The following EYA3 variants were observed in gnomAD, a reference collection of about 807,000 sequenced individuals.
EYA3 encodes EYA transcriptional coactivator and phosphatase 3.
A neutral mutation model predicts 80.0 loss-of-function variants in EYA3; 39 were observed. The ratio of observed to expected loss-of-function variants is 0.49; its 90% CI spans 0.38 to 0.64. EYA3 has a LOEUF of 0.64. Ranked by LOEUF, EYA3 falls within the 30% of genes least tolerant of loss-of-function variation. The pLI is 0.00. For synonymous variants in EYA3, 206 were observed against 232.8 expected, an observed-to-expected ratio of 0.88 and a Z score of 1.05; for missense variants, 523 against 676.1, an observed-to-expected ratio of 0.77 and a Z score of 2.51.
At chr1:28,088,158 G>T (rs1215670849) in intron 1 of EYA3, among the ~76,000 whole-genome samples, 1 of 152,148 alleles carries the variant, frequency 6.6e-6, no homozygotes, top group East Asian at 1.9e-4. Flanking sequence ...GTGAAAGAAC[G>T]CTGAGATCCC....
In EYA3 at chr1:28,042,912, T is replaced by C. The variant is rs188740354; in HGVS notation, c.78-262A>G. Among the ~76,000 whole-genome samples the C allele has an allele frequency of 1.1e-3, 173 of 152,242 alleles. 1 individual carries two copies. Among genetic ancestry groups the C allele is most frequent in the African/African-American group, 3.9e-3 (162 of 41,570 alleles). ...CAGGCTCGAGTGCAGTGGCACGATCTCGGCTCACTGCAACCTCCGCCTCCT... is the reference window on the plus strand; with the variant it reads ...CAGGCTCGAGTGCAGTGGCACGATCCCGGCTCACTGCAACCTCCGCCTCCT... On this transcript the variant is annotated intron_variant, in intron 3 of 17. Coordinates refer to ENST00000373871, the MANE Select transcript of EYA3 (RefSeq NM_001990.4).
chr1:28,059,127 T>C (rs540282398), intron 1 of EYA3, among the ~76,000 whole-genome samples: 5 of 152,310 alleles, frequency 3.3e-5, no homozygotes, highest in South Asian at 4.1e-4. Flanking sequence ...ATACCACCAC[T>C]CTACTTCTAT....
At chr1:27,988,452 G>A in intron 16 of EYA3, 83 bp downstream of exon 16, 3 of 1,481,480 alleles carry the variant, frequency 2.0e-6, no homozygotes, top group East Asian at 2.3e-5. Flanking sequence ...TGTCTAACAA[G>A]AGGGGCTAGA....
chr1:28,053,050 A>C (rs973467074), intron 2 of EYA3, among the ~76,000 whole-genome samples: 6 of 144,596 alleles, frequency 4.1e-5, no homozygotes, highest in Non-Finnish European at 7.5e-5. Flanking sequence ...GGTACTCAGG[A>C]GGGTGAGATG....
At chr1:28,065,533 T>C (rs902256311) in intron 1 of EYA3, among the ~76,000 whole-genome samples, 1 of 151,096 alleles carries the variant, frequency 6.6e-6, no homozygotes, top group Non-Finnish European at 1.5e-5. Flanking sequence ...AGTGCTGGGA[T>C]TACAGGTGTG....
At chr1:28,052,704 G>A (rs1157189680) in intron 2 of EYA3, among the ~76,000 whole-genome samples, 3 of 152,172 alleles carry the variant, frequency 2.0e-5, no homozygotes, top group Non-Finnish European at 4.4e-5. Context: ...AACACTTTGG[G>A]AGGCTGAGGC....
At chr1:28,018,181 G>A (rs1384623816) in intron 7 of EYA3, among the ~76,000 whole-genome samples, 1 of 151,128 alleles carries the variant, frequency 6.6e-6, no homozygotes, top group African/African-American at 2.4e-5. Context: ...GGGTGACAGA[G>A]CAAGACTCTG....
At chr1:28,087,243 TC>T (rs1645689090) in intron 1 of EYA3, among the ~76,000 whole-genome samples, 1 of 152,256 alleles carries the variant, frequency 6.6e-6, no homozygotes, top group South Asian at 2.1e-4. Context: ...TGCAATTCCT[TC>T]ATGTTATAAA....
At chr1:28,042,530 T>G (rs775447924) in intron 4 of EYA3, 41 bp downstream of exon 4, 1 of 1,541,888 alleles carries the variant, frequency 6.5e-7, no homozygotes, top group Non-Finnish European at 9.0e-7. Flanking sequence ...TTACTAGTTA[T>G]AGGAATATCT....
At chr1:27,980,033 T>C (rs542663879) in intron 16 of EYA3, among the ~76,000 whole-genome samples, 2 of 152,308 alleles carry the variant, frequency 1.3e-5, no homozygotes, top group South Asian at 4.1e-4. Context: ...AGCTGGCCAC[T>C]TACAATACAA....
At chr1:27,979,169 A>T (rs1639142701) in intron 16 of EYA3, among the ~76,000 whole-genome samples, 1 of 152,198 alleles carries the variant, frequency 6.6e-6, no homozygotes, top group Non-Finnish European at 1.5e-5. Context: ...TAATGAATGA[A>T]TGATTTTTGG....
At position 28,013,029 on chromosome 1, in the gene EYA3, C is replaced by G. The variant is rs1641797217; in HGVS notation, c.769+82G>C. The G allele has an allele frequency of 2.8e-6, 4 of 1,437,694 alleles. No homozygotes were observed. In the East Asian group the frequency reaches 6.8e-5, roughly 25 times the overall value. 89.1% of individuals were successfully genotyped at this position (1,437,694 alleles called of 1,614,324 possible). A position where few individuals can be genotyped will look rare whatever the true frequency, so the allele number is the denominator to read the frequency against. ...ATGGTAACAATGACTTAAGACAGAA[C>G]AAAATCATCCTTACCATTGCCTAAA... On this transcript the variant is annotated intron_variant, in intron 9 of 17. Transcript: ENST00000373871. This position sits in a 1 kb window ranked among gnomAD's most constrained non-coding sequence, Gnocchi z 4.0.
chr1:28,004,459 T>G lies in EYA3; in HGVS notation c.910-40A>C, dbSNP rs373353307. ...TATAAAAAATGAGTATATTTTCCAA[T>G]TACAATGGAATGAAACCAGAAATCA... On this transcript the variant is annotated intron_variant, in intron 10 of 17. Coordinates refer to ENST00000373871, the MANE Select transcript of EYA3 (RefSeq NM_001990.4). 1.9e-4 allele frequency: 274 copies of G among 1,463,466 alleles called. 2 individuals carry two copies. In the South Asian group the frequency reaches 3.1e-3, roughly 17 times the overall value. The allele number at this position is 1,463,466 out of a possible 1,614,324, so 90.7% of individuals were successfully genotyped here. A position where few individuals can be genotyped will look rare whatever the true frequency, so the allele number is the denominator to read the frequency against.
intron 6 of EYA3, among the ~76,000 whole-genome samples, chr1:28,033,663 A>AT (rs1306134072): frequency 3.8e-5 from 5 of 133,016 alleles, no homozygotes; most frequent in Admixed American, 2.3e-4. Context: ...TATTATTATT[A>AT]TTATTATTTT....
At chr1:28,066,584 C>T (rs1011672909) in intron 1 of EYA3, among the ~76,000 whole-genome samples, 1 of 151,360 alleles carries the variant, frequency 6.6e-6, no homozygotes, top group Non-Finnish European at 1.5e-5. Flanking sequence ...ACTAAACATT[C>T]AAAAAACTTT....
intron 10 of EYA3, among the ~76,000 whole-genome samples, chr1:28,007,632 A>T (rs148141431): frequency 3.2e-4 from 48 of 152,152 alleles, no homozygotes; most frequent in African/African-American, 1.1e-3. Context: ...GCGCCCGGCC[A>T]ATCAGCTGTA....
chr1:28,053,153 C>CAAAAAAAA (rs34075939), intron 2 of EYA3, among the ~76,000 whole-genome samples: 2 of 72,524 alleles, frequency 2.8e-5, no homozygotes, highest in African/African-American at 5.6e-5. Context: ...GACCCCGTCT[C>CAAAAAAAA]AAAAAAAAAA....
intron 7 of EYA3, among the ~76,000 whole-genome samples, chr1:28,020,174 C>T (rs946512785): frequency 1.3e-5 from 2 of 152,138 alleles, no homozygotes; most frequent in Non-Finnish European, 2.9e-5. Flanking sequence ...TAGCCATAAA[C>T]TCTTATTATA....
chr1:28,042,277 T>C (rs1428527609), intron 4 of EYA3, among the ~76,000 whole-genome samples: 4 of 152,208 alleles, frequency 2.6e-5, no homozygotes, highest in Non-Finnish European at 5.9e-5. Context: ...TAAGTATAGT[T>C]GTCTCTGATT....
Sources: allele counts gnomAD v4.1 joint callset (sites outside exome capture counted in the v4.1 genomes callset), GRCh38; gene constraint gnomAD v4.1.1; non-coding constraint Gnocchi (gnomAD v3.1); transcripts MANE v1.5; gene names NCBI Gene and HGNC (gene_info 2026-07-23, HGNC 2026-07-21).